CNTN6: variants seen among roughly 807,000 people sequenced by gnomAD.
CNTN6 encodes contactin-6.
In CNTN6, 137 loss-of-function variants were observed where a neutral mutation model predicts 122.8. The observed-to-expected ratio is 1.12, with a 90% CI of 0.97 to 1.29. CNTN6 has a LOEUF of 1.29. CNTN6 is among the 50% of genes most tolerant of loss of function. CNTN6 has a pLI of 0.00. For missense variants in CNTN6, 1,634 were observed against 1,223.4 expected (o/e 1.34, Z -5.01); for synonymous variants, 570 against 426.0 (o/e 1.34, Z -4.16).
intron 4 of CNTN6, among the ~76,000 whole-genome samples, chr3:1,262,571 G>C (rs972568869): frequency 2.0e-5 from 3 of 152,146 alleles, no homozygotes; most frequent in African/African-American, 7.2e-5. Flanking sequence ...GGCATGTAAA[G>C]AGACCTGGCG....
At chr3:1,228,466 A>G (rs1481215094) in intron 4 of CNTN6, among the ~76,000 whole-genome samples, 2 of 152,202 alleles carry the variant, frequency 1.3e-5, no homozygotes, top group Non-Finnish European at 2.9e-5. Context: ...CAGGCTTTAT[A>G]TTAACTGTAA....
At chr3:1,345,179 C>G (rs1033683103) in intron 11 of CNTN6, among the ~76,000 whole-genome samples, 1 of 151,364 alleles carries the variant, frequency 6.6e-6, no homozygotes, top group Non-Finnish European at 1.5e-5. Flanking sequence ...TGCGGTGGCA[C>G]GATCTTGGCC....
intron 17 of CNTN6, 86 bp from the exon 18 acceptor site, chr3:1,382,856 A>C (rs936061344): frequency 1.1e-6 from 1 of 902,416 alleles, no homozygotes; most frequent in East Asian, 2.6e-5. Context: ...TCTCTATGGA[A>C]GAAATGTGAA....
chr3:1,266,989 C>G (rs951786428), intron 4 of CNTN6, among the ~76,000 whole-genome samples: 5 of 127,076 alleles, frequency 3.9e-5, no homozygotes, highest in African/African-American at 1.5e-4. Flanking sequence ...CAGAGTCTCT[C>G]TCTGTAACCT....
intron 4 of CNTN6, among the ~76,000 whole-genome samples, chr3:1,263,958 G>A (rs989404204): frequency 1.3e-5 from 2 of 151,582 alleles, no homozygotes; most frequent in African/African-American, 4.8e-5. Flanking sequence ...GCAAAGATCT[G>A]GGGGTAAGTT....
intron 20 of CNTN6, among the ~76,000 whole-genome samples, chr3:1,386,811 T>C (rs940171055): frequency 6.9e-6 from 1 of 145,142 alleles, no homozygotes; most frequent in Non-Finnish European, 1.5e-5. Flanking sequence ...TACCTATACA[T>C]GCCGTAGTCT....
intron 7 of CNTN6, among the ~76,000 whole-genome samples, chr3:1,302,907 A>G (rs1448211297): frequency 6.6e-6 from 1 of 151,308 alleles, no homozygotes; most frequent in African/African-American, 2.4e-5. Context: ...GCCATTTGTA[A>G]TCTCCCTTCT....
intron 3 of CNTN6, among the ~76,000 whole-genome samples, chr3:1,224,821 C>T (rs886869039): frequency 6.6e-6 from 1 of 152,154 alleles, no homozygotes; most frequent in Non-Finnish European, 1.5e-5. Context: ...TTTTGACTCA[C>T]TGCAACCTCT....
intron 2 of CNTN6, among the ~76,000 whole-genome samples, chr3:1,158,809 TATATATAC>T (rs1359359671): frequency 9.1e-5 from 10 of 109,602 alleles, no homozygotes; most frequent in Middle Eastern, 4.2e-3. Context: ...TATACACACA[TATATATAC>T]ACACACATAT....
intron 2 of CNTN6, among the ~76,000 whole-genome samples, chr3:1,196,921 T>C (rs943298460): frequency 2.0e-5 from 3 of 152,170 alleles, no homozygotes; most frequent in African/African-American, 7.2e-5. Context: ...TTCCCATATG[T>C]CTATCAGTGA....
chr3:1,228,018 T>C (rs1559553053), intron 4 of CNTN6, 25 bp downstream of exon 4: 1 of 1,600,044 alleles, frequency 6.2e-7, no homozygotes, highest in Admixed American at 1.7e-5. Flanking sequence ...AATTTTGTAA[T>C]CTTTGTCTCT....
chr3:1,388,079 C>G (rs1576027573), intron 20 of CNTN6, among the ~76,000 whole-genome samples: 1 of 152,188 alleles, frequency 6.6e-6, no homozygotes, highest in African/African-American at 2.4e-5. Context: ...GGAGGCCTGC[C>G]TGCAACTGTA....
intron 7 of CNTN6, among the ~76,000 whole-genome samples, chr3:1,305,535 G>A (rs190170298): frequency 2.1e-4 from 32 of 152,216 alleles, no homozygotes; most frequent in Admixed American, 3.9e-4. Context: ...CTATGCAAAT[G>A]TAGTATGATT....
intron 5 of CNTN6, among the ~76,000 whole-genome samples, chr3:1,279,491 G>A (rs972060742): frequency 6.6e-6 from 1 of 152,154 alleles, no homozygotes; most frequent in African/African-American, 2.4e-5. Flanking sequence ...AGATATATGA[G>A]TATAATTATT....
intron 2 of CNTN6, among the ~76,000 whole-genome samples, chr3:1,219,799 T>A (rs1203681523): frequency 6.6e-6 from 1 of 152,028 alleles, no homozygotes; most frequent in Non-Finnish European, 1.5e-5. Context: ...ATGGAATGCT[T>A]GAGCCCAGAA....
chr3:1,249,626 T>C (rs1382860701), intron 4 of CNTN6, among the ~76,000 whole-genome samples: 2 of 152,218 alleles, frequency 1.3e-5, no homozygotes, highest in Admixed American at 6.5e-5. Context: ...TTTTTCCTCC[T>C]TTTTGAGAAT....
Position 1,220,816 on chromosome 3 carries a change from A to T in CNTN6, c.182+3A>T, listed in dbSNP as rs1346858895. 5 of 1,594,638 alleles carry T rather than the reference A, an allele frequency of 3.1e-6. No individual in the cohort carries two copies. In the South Asian group the frequency reaches 5.8e-5, roughly 18 times the overall value. On this transcript the variant is annotated splice_donor_region_variant and intron_variant, in intron 3 of 22. Transcript: ENST00000446702. ...GGTTACCCTTCGCCTCATTATAGGT[A>T]AAATCCTACCTGTGGGCACCACACT... is the stretch of plus-strand genomic sequence containing the variant.
chr3:1,403,383 A>AT lies in CNTN6; in HGVS notation c.3057dup (p.His1020SerfsTer18). The AT allele has an allele frequency of 6.2e-7, 1 of 1,611,256 alleles. No homozygotes were observed. The highest frequency in any genetic ancestry group is 1.1e-5 in the South Asian group (1 of 90,990). Reference sequence around the variant, plus strand: ...CCATTTTCTTTCCATTGTCATTGTGATTTTTCACTGTTTTGCTATTCAGCC... The same window carrying AT: ...CCATTTTCTTTCCATTGTCATTGTGATTTTTTCACTGTTTTGCTATTCAGCC... On this transcript the variant is annotated frameshift_variant, in exon 23 of 23. Transcript: ENST00000446702. LOFTEE classifies it high-confidence loss of function.
intron 1 of CNTN6, among the ~76,000 whole-genome samples, chr3:1,093,990 G>T (rs1451129710): frequency 2.0e-5 from 3 of 152,130 alleles, no homozygotes; most frequent in Non-Finnish European, 4.4e-5. Context: ...TTCACAGAAT[G>T]ACTAAATAGA....
Sources: allele counts gnomAD v4.1 joint callset (sites outside exome capture counted in the v4.1 genomes callset), GRCh38; gene constraint gnomAD v4.1.1; transcripts MANE v1.5; gene names NCBI Gene and HGNC (gene_info 2026-07-23, HGNC 2026-07-21).